The following CSMD1 variants were observed in gnomAD, a reference collection of about 807,000 sequenced individuals.
The protein encoded by CSMD1 is CUB and sushi domain-containing protein 1.
Under a neutral mutation model 417.5 loss-of-function variants are expected in CSMD1, and 213 were observed. The ratio of observed to expected loss-of-function variants is 0.51; its 90% CI spans 0.46 to 0.57. CSMD1 has a LOEUF of 0.57. Ranked by LOEUF, CSMD1 falls within the 20% of genes least tolerant of loss-of-function variation. The pLI is 0.00. For missense variants in CSMD1, 6,923 were observed against 4,529.7 expected (o/e 1.53, Z -15.17); for synonymous variants, 2,862 against 1,736.8 (o/e 1.65, Z -16.11).
intron 1 of CSMD1, among the ~76,000 whole-genome samples, chr8:4,679,866 C>T (rs1170142298): frequency 1.3e-5 from 2 of 151,942 alleles, no homozygotes; most frequent in African/African-American, 2.4e-5. Flanking sequence ...ATATACAATG[C>T]ATAATAAATG....
At chr8:4,093,245 G>C (rs1800814760) in intron 3 of CSMD1, among the ~76,000 whole-genome samples, 1 of 132,372 alleles carries the variant, frequency 7.6e-6, no homozygotes, top group Non-Finnish European at 1.8e-5. Flanking sequence ...ATAATACTTT[G>C]CTAATTAAGC....
chr8:3,521,383 T>A (rs149593513), intron 10 of CSMD1, among the ~76,000 whole-genome samples: 1 of 152,252 alleles, frequency 6.6e-6, no homozygotes, highest in African/African-American at 2.4e-5. Context: ...CCTGTTGTCT[T>A]CCCAGCAACA....
At chr8:2,976,354 C>T (rs545457489) in intron 55 of CSMD1, among the ~76,000 whole-genome samples, 3 of 151,994 alleles carry the variant, frequency 2.0e-5, no homozygotes, top group Admixed American at 1.3e-4. Context: ...GTGCCATTTC[C>T]CTCCTCATTT....
chr8:4,162,779 G>C (rs776198158), intron 3 of CSMD1, among the ~76,000 whole-genome samples: 6 of 152,052 alleles, frequency 3.9e-5, no homozygotes, highest in Admixed American at 6.6e-5. Flanking sequence ...GTTTACAATA[G>C]GGTTCACTCT....
chr8:4,616,594 T>G (rs1052425246), intron 2 of CSMD1, among the ~76,000 whole-genome samples: 1 of 152,182 alleles, frequency 6.6e-6, no homozygotes, highest in Non-Finnish European at 1.5e-5. Context: ...TACAAAACAC[T>G]ATAGAATAAG....
chr8:4,280,504 T>A lies in CSMD1; in HGVS notation c.415+139449A>T, dbSNP rs531698386. ...TATCCTCCACATTTCACAGAAAAAT[T>A]AAAATATACAAGCAAATTGTTTACA... On this transcript the variant is annotated intron_variant, in intron 3 of 69. Coordinates refer to ENST00000635120, the MANE Select transcript of CSMD1 (RefSeq NM_033225.6). Among the ~76,000 whole-genome samples the A allele has an allele frequency of 5.9e-5, 9 of 152,298 alleles. No individual in the cohort carries two copies. In the East Asian group the frequency reaches 1.7e-3, roughly 29 times the overall value.
intron 3 of CSMD1, among the ~76,000 whole-genome samples, chr8:4,337,972 G>A (rs1332083124): frequency 6.6e-6 from 1 of 152,014 alleles, no homozygotes; most frequent in Non-Finnish European, 1.5e-5. Flanking sequence ...TATCAGTTTT[G>A]TCAACTGTAA....
chr8:3,296,259 C>T lies in CSMD1; in HGVS notation c.3950+11436G>A, dbSNP rs554364724. 4.0e-5 allele frequency among the ~76,000 whole-genome samples: 6 copies of T among 151,406 alleles called. No homozygotes were observed. In the South Asian group the frequency reaches 1.3e-3, roughly 32 times the overall value. On this transcript the variant is annotated intron_variant, in intron 25 of 69. Transcript: ENST00000635120. ...AAGGAGTTAAGGGTGTTTGTCGCAT[C>T]CTGTGAGACGTAAGAATTCAGCCAA...
chr8:4,577,124 T>C (rs1194746605), intron 2 of CSMD1, among the ~76,000 whole-genome samples: 1 of 152,216 alleles, frequency 6.6e-6, no homozygotes, highest in Non-Finnish European at 1.5e-5. Flanking sequence ...TAATTTATGC[T>C]AATCTTCTGC....
intron 3 of CSMD1, among the ~76,000 whole-genome samples, chr8:4,414,736 G>A (rs1029468974): frequency 6.6e-6 from 1 of 152,118 alleles, no homozygotes; most frequent in African/African-American, 2.4e-5. Flanking sequence ...GTTAAGTTGT[G>A]GTTGAGTTCA....
intron 5 of CSMD1, among the ~76,000 whole-genome samples, chr8:3,964,390 C>T (rs576063827): frequency 3.9e-5 from 6 of 152,214 alleles, no homozygotes; most frequent in South Asian, 4.1e-4. Flanking sequence ...TCAATTCCAA[C>T]GTATAATTTA....
intron 3 of CSMD1, among the ~76,000 whole-genome samples, chr8:4,074,058 A>G (rs1449026488): frequency 1.3e-5 from 2 of 152,112 alleles, no homozygotes; most frequent in Non-Finnish European, 2.9e-5. Context: ...GTTTTGTTAT[A>G]ATATTGATAT....
intron 3 of CSMD1, among the ~76,000 whole-genome samples, chr8:4,185,908 T>C (rs189671030): frequency 1.3e-5 from 2 of 152,286 alleles, no homozygotes; most frequent in East Asian, 3.9e-4. Context: ...TGTAAACTGT[T>C]ATTACGTTGA....
chr8:3,021,977 A>G (rs1192385079), intron 51 of CSMD1, among the ~76,000 whole-genome samples: 13 of 149,658 alleles, frequency 8.7e-5, no homozygotes, highest in Non-Finnish European at 1.9e-4. Flanking sequence ...ATGCACCTGC[A>G]ATCCCACAGC....
At chr8:4,138,019 A>T (rs1171629135) in intron 3 of CSMD1, among the ~76,000 whole-genome samples, 2 of 136,684 alleles carry the variant, frequency 1.5e-5, no homozygotes, top group African/African-American at 5.5e-5. Flanking sequence ...CTGCGACTAG[A>T]GGCGCCCGCC....
At chr8:3,873,515 G>A (rs753807673) in intron 5 of CSMD1, among the ~76,000 whole-genome samples, 1 of 151,946 alleles carries the variant, frequency 6.6e-6, no homozygotes, top group Non-Finnish European at 1.5e-5. Flanking sequence ...AGAACACAGG[G>A]ACACATAAAG....
intron 49 of CSMD1, among the ~76,000 whole-genome samples, chr8:3,063,296 G>C (rs1211306959): frequency 6.6e-6 from 1 of 152,110 alleles, no homozygotes; most frequent in Admixed American, 6.5e-5. Context: ...TTCAGCTTCA[G>C]TTTTACCTTC....
chr8:4,531,637 T>C (rs898779786), intron 2 of CSMD1, among the ~76,000 whole-genome samples: 6 of 152,144 alleles, frequency 3.9e-5, no homozygotes, highest in African/African-American at 9.7e-5. Flanking sequence ...TGGTGCACCA[T>C]GGCCCCACGC....
At chr8:4,332,406 A>C (rs1411211895) in intron 3 of CSMD1, among the ~76,000 whole-genome samples, 2 of 152,128 alleles carry the variant, frequency 1.3e-5, no homozygotes, top group African/African-American at 4.8e-5. Context: ...AGGATAGTAT[A>C]AATTCTTTCT....
Sources: gnomAD v4.1 joint callset for allele counts (sites outside exome capture counted in the v4.1 genomes callset) on GRCh38, gnomAD v4.1.1 for gene constraint, MANE v1.5 for transcripts, NCBI Gene and HGNC (gene_info 2026-07-23, HGNC 2026-07-21) for gene names.